The following CHD2 variants were observed in gnomAD, a reference collection of about 807,000 sequenced individuals.
CHD2 encodes chromodomain helicase DNA binding protein 2, also known as ATP-dependent chromatin remodeler CHD2.
In CHD2, 28 loss-of-function variants were observed where a neutral mutation model predicts 243.9. That is an observed-to-expected ratio of 0.11 (90% CI 0.09 to 0.16). The LOEUF (loss-of-function observed/expected upper bound fraction) is 0.16. Among genes scored for constraint, CHD2 ranks in the 10% least tolerant of loss-of-function variants. The pLI, the probability that CHD2 is intolerant of heterozygous loss-of-function variation, is 1.00. For synonymous variants in CHD2, 775 were observed against 779.0 expected, an observed-to-expected ratio of 0.99 and a Z score of 0.09; for missense variants, 1,386 against 2,209.8, an observed-to-expected ratio of 0.63 and a Z score of 7.47.
chr15:92,971,727 T>G, intron 17 of CHD2, 38 bp from the exon 18 acceptor site: 1 of 1,573,520 alleles, frequency 6.4e-7, no homozygotes, highest in Non-Finnish European at 8.6e-7. Context: ...TTTCTGTTTT[T>G]TTGTATCTAG....
chr15:93,012,243 AG>A, intron 35 of CHD2, 101 bp from the exon 36 acceptor site: 4 of 636,086 alleles, frequency 6.3e-6, no homozygotes, highest in South Asian at 2.1e-5. Flanking sequence ...ATGCTTAGGG[AG>A]TATACCACAG....
In CHD2 at chr15:93,026,414, C is replaced by T. The variant is rs979730518; in HGVS notation, c.*1709C>T. 4.6e-5 allele frequency: 7 copies of T among 152,318 alleles called. No individual in the cohort carries two copies. The highest frequency in any genetic ancestry group is 1.7e-4 in the African/African-American group (7 of 41,464). The allele number at this position is 152,318 out of a possible 1,614,324, so 9.4% of individuals were successfully genotyped here. On this transcript the variant is annotated 3_prime_UTR_variant, in exon 39 of 39. Coordinates refer to ENST00000394196, the MANE Select transcript of CHD2 (RefSeq NM_001271.4). ...GTGGCTGTGGTGTGACCCTTGCTCC[C>T]TGCTACACAGAGCATCGCAGGGCTG...
intron 5 of CHD2, among the ~76,000 whole-genome samples, chr15:92,934,183 CT>C (rs1328828231): frequency 6.6e-6 from 1 of 152,208 alleles, no homozygotes; most frequent in African/African-American, 2.4e-5. Context: ...TTAAAAGTAG[CT>C]TTTGTTCATT....
chr15:92,997,189 CTCT>C lies in CHD2; in HGVS notation c.3735-59_3735-57del. 6.2e-7 allele frequency: 1 copy of C among 1,606,876 alleles called. No homozygotes were observed. Among genetic ancestry groups the C allele is most frequent in the Admixed American group, 1.7e-5 (1 of 58,512 alleles). On this transcript the variant is annotated intron_variant, in intron 29 of 38. Coordinates refer to ENST00000394196, the MANE Select transcript of CHD2 (RefSeq NM_001271.4). The surrounding 1 kb of genome is among the most constrained non-coding windows in gnomAD (Gnocchi z 4.1). The stretch of plus-strand genomic sequence containing the variant: ...TGTAGTTCCATAGTATTTTTACTGT[CTCT>C]TCTTTAACATACCAAAAAGGCCCCT...
intron 33 of CHD2, among the ~76,000 whole-genome samples, chr15:93,004,046 C>T (rs1392364749): frequency 6.6e-6 from 1 of 151,486 alleles, no homozygotes; most frequent in African/African-American, 2.4e-5. Context: ...ATCTCTTGAA[C>T]CCAGGAGGCA....
chr15:93,000,158 C>T (rs554114191), intron 31 of CHD2, among the ~76,000 whole-genome samples: 34 of 152,054 alleles, frequency 2.2e-4, no homozygotes, highest in African/African-American at 8.0e-4. Flanking sequence ...CTTAGCTACT[C>T]GAGAGGCTGA....
At chr15:92,951,349 TTAGTA>T (rs1353328677) in intron 13 of CHD2, among the ~76,000 whole-genome samples, 2 of 152,118 alleles carry the variant, frequency 1.3e-5, no homozygotes, top group Non-Finnish European at 2.9e-5. Flanking sequence ...TTTTGTATTT[TTAGTA>T]GAGACGGGGT....
rs561155195 is a variant in CHD2, at chr15:92,949,225, T to C, written c.1502+149T>C. 2.7e-6 allele frequency: 4 copies of C among 1,464,382 alleles called. No individual in the cohort carries two copies. In the East Asian group the frequency reaches 7.3e-5, roughly 27 times the overall value. The allele number at this position is 1,464,382 out of a possible 1,614,324, so 90.7% of individuals were successfully genotyped here. ...TGCATATTACAGAAATAAAAGATGA[T>C]TGAGAGAAATGCTTCCTGGGAGTTT... On this transcript the variant is annotated intron_variant, in intron 13 of 38. Transcript: ENST00000394196.
chr15:93,002,134 T>A, intron 32 of CHD2, 43 bp from the exon 33 acceptor site: 1 of 1,567,034 alleles, frequency 6.4e-7, no homozygotes, highest in Non-Finnish European at 8.6e-7. Context: ...TAAGTAGATA[T>A]AAAATTTGTA....
At chr15:92,902,359 C>T (rs1205995354) in intron 2 of CHD2, 3 of 390,280 alleles carry the variant, frequency 7.7e-6, no homozygotes, top group African/African-American at 2.1e-5. Context: ...TTGATGTGTT[C>T]TTTATGCATT....
intron 35 of CHD2, among the ~76,000 whole-genome samples, chr15:93,010,735 T>G (rs1405946504): frequency 6.6e-6 from 1 of 152,198 alleles, no homozygotes; most frequent in East Asian, 1.9e-4. Context: ...TGGCTGGAAA[T>G]TCTAAAAGGC....
At chr15:92,959,862 T>C (rs996265074) in intron 16 of CHD2, among the ~76,000 whole-genome samples, 9 of 152,250 alleles carry the variant, frequency 5.9e-5, no homozygotes, top group Non-Finnish European at 5.9e-5. Context: ...TTGGTTATTC[T>C]AGAATTCTTG....
chr15:92,926,389 A>G (rs2053062505), intron 3 of CHD2, among the ~76,000 whole-genome samples: 1 of 152,132 alleles, frequency 6.6e-6, no homozygotes, highest in Admixed American at 6.5e-5. Flanking sequence ...CATATTTCTC[A>G]TCTCAGCTTT....
chr15:92,928,674 A>G (rs2053110579), intron 4 of CHD2, among the ~76,000 whole-genome samples: 2 of 152,214 alleles, frequency 1.3e-5, no homozygotes, highest in African/African-American at 4.8e-5. Context: ...TCTCAGTCAC[A>G]CCAGTCACAT....
At position 92,942,834 on chromosome 15, in the gene CHD2, C is replaced by G. The variant is rs1245418035; in HGVS notation, c.827-9C>G. 1 of 1,594,256 alleles carries G rather than the reference C, an allele frequency of 6.3e-7. No individual in the cohort carries two copies. On this transcript the variant is annotated splice_polypyrimidine_tract_variant and intron_variant, in intron 8 of 38. Transcript: ENST00000394196. ...TACTCTCTTTCAAGTGTACTTAATC[C>G]TTTTGCAGCCACTGGAGCATCTACT...
chr15:92,919,147 T>G (rs1294288856), intron 2 of CHD2, among the ~76,000 whole-genome samples: 2 of 151,592 alleles, frequency 1.3e-5, no homozygotes, highest in Non-Finnish European at 2.9e-5. Flanking sequence ...TGAGCCACCA[T>G]GCTCGGCCCA....
intron 26 of CHD2, among the ~76,000 whole-genome samples, chr15:92,987,185 G>A (rs11634566): frequency 0.43 from 65,995 of 151,934 alleles, 15,753 homozygotes; most frequent in East Asian, 0.83. Context: ...GGTCTTGATT[G>A]GCCTTTTTAT....
chr15:93,007,598 A>G (rs190321419), intron 34 of CHD2, among the ~76,000 whole-genome samples: 9 of 152,356 alleles, frequency 5.9e-5, no homozygotes, highest in South Asian at 2.1e-4. Context: ...TGAAAATTTC[A>G]TGACCATGTG....
intron 35 of CHD2, among the ~76,000 whole-genome samples, chr15:93,011,351 G>A (rs1008859390): frequency 5.9e-5 from 9 of 152,204 alleles, no homozygotes; most frequent in African/African-American, 2.2e-4. Context: ...TGAGAGGCAG[G>A]CAGGTGCACT....
Sources: allele counts gnomAD v4.1 joint callset (sites outside exome capture counted in the v4.1 genomes callset), GRCh38; gene constraint gnomAD v4.1.1; non-coding constraint Gnocchi (gnomAD v3.1); transcripts MANE v1.5; gene names NCBI Gene and HGNC (gene_info 2026-07-23, HGNC 2026-07-21).